Variants in GALNT2 observed in about 807,000 individuals in gnomAD.
GALNT2 encodes the protein polypeptide N-acetylgalactosaminyltransferase 2.
GALNT2 carries 31 observed loss-of-function variants against 81.4 expected under a neutral mutation model. The observed-to-expected ratio is 0.38, with a 90% confidence interval of 0.29 to 0.51. GALNT2 has a LOEUF of 0.51. GALNT2 is among the 20% of genes least tolerant of loss of function. The pLI, the probability that GALNT2 is intolerant of heterozygous loss-of-function variation, is 0.87. For missense variants in GALNT2, 629 were observed against 765.7 expected (o/e 0.82, Z 2.11); for synonymous variants, 303 against 287.4 (o/e 1.05, Z -0.55).
In GALNT2 at chr1:230,058,086, G is replaced by A. The variant is rs148495837; in HGVS notation, n.89+8G>A. ...GCCCCTATGGCTGACAGAGTAAGTA[G>A]AACTTCTCACTAAAGTACACGTATG... On this transcript the variant is annotated splice_region_variant and intron_variant and non_coding_transcript_variant, in intron 1 of 6. Coordinates refer to the GALNT2 transcript ENST00000494106. The A allele has an allele frequency of 4.4e-5, 20 of 456,256 alleles. No homozygotes were observed. In the Middle Eastern group the frequency reaches 1.3e-3, roughly 30 times the overall value. The allele number at this position is 456,256 out of a possible 1,614,324, so 28.3% of individuals were successfully genotyped here. A position where few individuals can be genotyped will look rare whatever the true frequency, so the allele number is the denominator to read the frequency against.
intron 3 of GALNT2, among the ~76,000 whole-genome samples, chr1:230,235,661 A>G (rs889827264): frequency 2.0e-5 from 3 of 152,200 alleles, no homozygotes; most frequent in Admixed American, 6.5e-5. Flanking sequence ...CCCTTCGGAA[A>G]TTACGACTGC....
rs1174131096 is a variant in GALNT2, at chr1:230,067,242, G to C, written c.-39G>C. 8.1e-7 allele frequency: 1 copy of C among 1,240,688 alleles called. No individual in the cohort carries two copies. Among genetic ancestry groups the C allele is most frequent in the Non-Finnish European group, 1.0e-6 (1 of 984,390 alleles). 76.9% of individuals were successfully genotyped at this position (1,240,688 alleles called of 1,614,324 possible). The stretch of plus-strand genomic sequence containing the variant: ...CCCGCGGCCGGCCCAGGCAGCACTC[G>C]CGAGCAGCGGCGGCCCCGCCGGCGG... On this transcript the variant is annotated 5_prime_UTR_variant, in exon 1 of 16. Coordinates refer to ENST00000366672, the MANE Select transcript of GALNT2 (RefSeq NM_004481.5).
At chr1:230,167,405 C>T (rs1202115441) in intron 1 of GALNT2, among the ~76,000 whole-genome samples, 1 of 152,060 alleles carries the variant, frequency 6.6e-6, no homozygotes, top group East Asian at 1.9e-4. Context: ...CCTTGGCCTC[C>T]CAAAGTGCTA....
At chr1:230,231,504 C>T (rs1664864439) in intron 3 of GALNT2, among the ~76,000 whole-genome samples, 2 of 152,212 alleles carry the variant, frequency 1.3e-5, no homozygotes, top group Non-Finnish European at 2.9e-5. Context: ...GAAGCTGGAG[C>T]TTCCCAGTCC....
intron 1 of GALNT2, among the ~76,000 whole-genome samples, chr1:230,080,260 C>T (rs554119178): frequency 3.3e-5 from 5 of 152,252 alleles, no homozygotes; most frequent in Admixed American, 2.6e-4. Context: ...GCGAAGCTCT[C>T]ATCAGCTATG....
intron 3 of GALNT2, among the ~76,000 whole-genome samples, chr1:230,228,315 G>A (rs1237661100): frequency 6.6e-6 from 1 of 152,022 alleles, no homozygotes; most frequent in Non-Finnish European, 1.5e-5. Context: ...ATCAGGAAAA[G>A]CAAATGGTCA....
chr1:230,127,596 G>T (rs546393154), intron 1 of GALNT2, among the ~76,000 whole-genome samples: 1 of 151,808 alleles, frequency 6.6e-6, no homozygotes, highest in Non-Finnish European at 1.5e-5. Context: ...GGATGGTTTC[G>T]ATCTCTTGAC....
chr1:230,280,334 T>C lies in GALNT2; in HGVS notation c.*876T>C. 3.6e-6 allele frequency: 1 copy of C among 277,940 alleles called. No individual in the cohort carries two copies. The highest frequency in any genetic ancestry group is 4.1e-5 in the South Asian group (1 of 24,446). The allele number at this position is 277,940 out of a possible 1,614,324, so 17.2% of individuals were successfully genotyped here. A position where few individuals can be genotyped will look rare whatever the true frequency, so the allele number is the denominator to read the frequency against. ...TGGGCGTCAGCCTGAGAGTCCCTAC[T>C]GTGCGTCAGAATCCACCTTGCGTGC... On this transcript the variant is annotated 3_prime_UTR_variant, in exon 16 of 16. Transcript: ENST00000366672.
chr1:230,255,118 T>G, intron 10 of GALNT2, 100 bp from the exon 11 acceptor site: 1 of 1,541,662 alleles, frequency 6.5e-7, no homozygotes, highest in Non-Finnish European at 8.9e-7. Context: ...AGCCCCATGA[T>G]GGGATGGTCA....
At chr1:230,071,090 A>G (rs546945797) in intron 1 of GALNT2, among the ~76,000 whole-genome samples, 2 of 152,338 alleles carry the variant, frequency 1.3e-5, no homozygotes, top group South Asian at 4.1e-4. Flanking sequence ...TCTCTAAAAG[A>G]GGAAAATGAA....
At chr1:230,253,603 T>C (rs1665616630) in intron 10 of GALNT2, among the ~76,000 whole-genome samples, 1 of 152,252 alleles carries the variant, frequency 6.6e-6, no homozygotes, top group South Asian at 2.1e-4. Flanking sequence ...TAGTGATGTT[T>C]TTAATACATA....
chr1:230,254,360 C>T lies in GALNT2; in HGVS notation c.1010-858C>T, dbSNP rs189903854. 3.6e-3 allele frequency among the ~76,000 whole-genome samples: 550 copies of T among 152,290 alleles called. 1 individual carries two copies. Among genetic ancestry groups the T allele is most frequent in the African/African-American group, 0.012 (518 of 41,550 alleles). ...GACCTACACATCTCATTCCTCCTGCCGGTCAGTTCTGTGTTGAAGCAAGTC... is the reference window on the plus strand; with the variant it reads ...GACCTACACATCTCATTCCTCCTGCTGGTCAGTTCTGTGTTGAAGCAAGTC... On this transcript the variant is annotated intron_variant, in intron 10 of 15. Coordinates refer to ENST00000366672, the MANE Select transcript of GALNT2 (RefSeq NM_004481.5).
chr1:230,083,216 GCCA>G lies in GALNT2; in HGVS notation c.126+15811_126+15813del, dbSNP rs1226804045. 4.7e-3 allele frequency among the ~76,000 whole-genome samples: 682 copies of G among 145,324 alleles called. 3 individuals carry two copies. Among genetic ancestry groups the G allele is most frequent in the Non-Finnish European group, 7.7e-3 (506 of 66,116 alleles). ...GGAGCCAGGATGATGGAGCGGGGGG[GCCA>G]GGATGATGGAGCGGGGAGCTGGGAT... On this transcript the variant is annotated intron_variant, in intron 1 of 15. Transcript: ENST00000366672.
In GALNT2 at chr1:230,156,233, A is replaced by G. The variant is rs56025752; in HGVS notation, c.127-21985A>G. ...AGGGAGAGAGAGAGAGAGAGAGAGA[A>G]AGAGAGAGAGAGTGTGTGTGTGTGT... On this transcript the variant is annotated intron_variant, in intron 1 of 15. Coordinates refer to ENST00000366672, the MANE Select transcript of GALNT2 (RefSeq NM_004481.5). Among the ~76,000 whole-genome samples the G allele has an allele frequency of 7.5e-3, 897 of 119,174 alleles. 7 individuals carry two copies. The highest frequency in any genetic ancestry group is 0.02 in the African/African-American group (646 of 32,844). The allele number at this position is 119,174 out of a possible 152,430, so 78.2% of individuals were successfully genotyped here. A position where few individuals can be genotyped will look rare whatever the true frequency, so the allele number is the denominator to read the frequency against.
chr1:230,062,037 T>C (rs1172668443), intron 1 of GALNT2, among the ~76,000 whole-genome samples: 6 of 152,212 alleles, frequency 3.9e-5, no homozygotes. Context: ...GTCTTCCTTA[T>C]TTATTTATTT....
At chr1:230,259,803 A>T (rs561230411) in intron 11 of GALNT2, 1 of 152,240 alleles carries the variant, frequency 6.6e-6, no homozygotes, top group Non-Finnish European at 1.5e-5. Flanking sequence ...ACGTTCTGCA[A>T]TGGTGATGTT....
At chr1:230,091,418 C>T (rs186268944) in intron 1 of GALNT2, among the ~76,000 whole-genome samples, 152 of 152,206 alleles carry the variant, frequency 1.0e-3, no homozygotes, top group Non-Finnish European at 1.8e-3. Flanking sequence ...TATTTTCTAT[C>T]GGCCACCTTT....
intron 1 of GALNT2, among the ~76,000 whole-genome samples, chr1:230,097,004 G>A (rs1459687419): frequency 6.6e-6 from 1 of 152,140 alleles, no homozygotes; most frequent in Non-Finnish European, 1.5e-5. Context: ...ATCATACTAA[G>A]TTACTGTCCA....
intron 1 of GALNT2, among the ~76,000 whole-genome samples, chr1:230,080,030 G>C (rs1031355923): frequency 1.3e-5 from 2 of 152,180 alleles, no homozygotes; most frequent in South Asian, 2.1e-4. Context: ...CCTCTTCCTG[G>C]TAATAAATGT....
Sources: gnomAD v4.1 joint callset for allele counts (sites outside exome capture counted in the v4.1 genomes callset) on GRCh38, gnomAD v4.1.1 for gene constraint, MANE v1.5 for transcripts, NCBI Gene and HGNC (gene_info 2026-07-23, HGNC 2026-07-21) for gene names.